The following SLC4A1 variants were observed in gnomAD, a reference collection of about 807,000 sequenced individuals.
The protein encoded by SLC4A1 is band 3 anion transport protein.
A neutral mutation model predicts 93.1 loss-of-function variants in SLC4A1; 29 were observed. The observed-to-expected ratio is 0.31, with a 90% CI of 0.23 to 0.42. SLC4A1 has a LOEUF of 0.42. Among genes scored for constraint, SLC4A1 ranks in the 20% least tolerant of loss-of-function variants. The probability of loss-of-function intolerance (pLI) is 1.00; values close to 1 mark genes in which losing one functional copy is unlikely to be tolerated. For synonymous variants in SLC4A1, 469 were observed against 497.2 expected (o/e 0.94, Z 0.76); for missense variants, 965 against 1,190.1 (o/e 0.81, Z 2.78).
intron 16 of SLC4A1, 26 bp downstream of exon 16, chr17:44,254,470 G>T: frequency 2.9e-6 from 2 of 700,724 alleles, no homozygotes; most frequent in Non-Finnish European, 5.0e-6. Flanking sequence ...CACCCTCCCA[G>T]GCCCAGCCCC....
chr17:44,254,780 C>G, intron 15 of SLC4A1, 118 bp from the exon 16 acceptor site: 1 of 808,624 alleles, frequency 1.2e-6, no homozygotes, highest in South Asian at 1.5e-5. Flanking sequence ...TGGGAACTTA[C>G]TTATATTGAG....
At chr17:44,251,112 C>T (rs1193989805) in intron 19 of SLC4A1, 47 bp downstream of exon 19, 3 of 1,552,396 alleles carry the variant, frequency 1.9e-6, no homozygotes, top group Non-Finnish European at 2.6e-6. Context: ...AGACGCGCCC[C>T]TCGCATGCTC....
chr17:44,261,747 A>G, intron 3 of SLC4A1, 111 bp from the exon 4 acceptor site: 1 of 1,587,008 alleles, frequency 6.3e-7, no homozygotes, highest in Middle Eastern at 1.7e-4. Flanking sequence ...CCTCCTTCCC[A>G]GTGCCCTGGG....
intron 4 of SLC4A1, among the ~76,000 whole-genome samples, 176 bp downstream of exon 4, chr17:44,261,398 GC>G (rs1465824636): frequency 6.6e-6 from 1 of 152,208 alleles, no homozygotes; most frequent in Non-Finnish European, 1.5e-5. Context: ...AGGGGCCCAG[GC>G]CTCCCCATCA....
At position 44,258,162 on chromosome 17, in the gene SLC4A1, T is replaced by C. The variant is rs771954160; in HGVS notation, c.1106A>G (p.Asp369Gly). Reference protein sequence around the residue: ...YKGLDLNGGPDDPLQQTGQLF... With the variant: ...YKGLDLNGGPGDPLQQTGQLF... Reference sequence around the variant, plus strand: ...CTGGCCTGTCTGCTGCAGAGGGTCATCTGGGCCCCCATTTAAGTCTGTGGT... The same window carrying C: ...CTGGCCTGTCTGCTGCAGAGGGTCACCTGGGCCCCCATTTAAGTCTGTGGT... The change falls in exon 11 of 20, where the codon GAT (aspartate) becomes GGT (glycine). Residue 369 changes from aspartate to glycine, a missense_variant. Around this residue, in one of 2 missense-constraint regions of SLC4A1, gnomAD observed 770 missense variants for 1,006.6 expected, o/e 0.76. Coordinates refer to ENST00000262418, the MANE Select transcript of SLC4A1 (RefSeq NM_000342.4). This position sits in a 1 kb window ranked among gnomAD's most constrained non-coding sequence, Gnocchi z 6.1. 5.6e-6 allele frequency: 9 copies of C among 1,613,930 alleles called. No individual in the cohort carries two copies. In the East Asian group the frequency reaches 1.8e-4, roughly 32 times the overall value.
chr17:44,268,095 C>T lies in SLC4A1; in HGVS notation c.-110G>A, dbSNP rs1391361296. The stretch of plus-strand genomic sequence containing the variant: ...GGGTCCCTTGGTGAAGTCCTGCAGC[C>T]GCTGGTGCCCTCTGCGACCAGCTAC... On this transcript the variant is annotated 5_prime_UTR_variant, in exon 1 of 20. Coordinates refer to ENST00000262418, the MANE Select transcript of SLC4A1 (RefSeq NM_000342.4). 9.1e-6 allele frequency: 9 copies of T among 985,354 alleles called. No individual in the cohort carries two copies. The Admixed American group carries it at 1.8e-4, about 20-fold the overall frequency. 61.0% of individuals were successfully genotyped at this position (985,354 alleles called of 1,614,324 possible).
intron 16 of SLC4A1, among the ~76,000 whole-genome samples, chr17:44,253,756 C>G (rs919100571): frequency 1.3e-5 from 2 of 152,088 alleles, no homozygotes; most frequent in Admixed American, 6.6e-5. Context: ...ACTGCAACCT[C>G]TGCCTCCCGG....
rs371728036 is a variant in SLC4A1, at chr17:44,251,339, G to A, written c.2482-7C>T. On this transcript the variant is annotated splice_region_variant and splice_polypyrimidine_tract_variant and intron_variant, in intron 18 of 19. Transcript: ENST00000262418. The stretch of plus-strand genomic sequence containing the variant: ...GCATGCGCCAGGTCTTCACCTGCAG[G>A]CGGAGGCTGGGGTCAGTGCCTATCA... The A allele has an allele frequency of 9.7e-5, 156 of 1,614,224 alleles. No homozygotes were observed. The African/African-American group carries it at 2.0e-3, about 21-fold the overall frequency.
chr17:44,251,735 T>TTG, intron 17 of SLC4A1, 147 bp from the exon 18 acceptor site: 2 of 625,178 alleles, frequency 3.2e-6, no homozygotes, highest in East Asian at 3.1e-5. Flanking sequence ...TTTTTTTTTT[T>TTG]TTTTGTTTTT....
intron 2 of SLC4A1, 59 bp downstream of exon 2, chr17:44,262,793 T>C (rs900129422): frequency 8.1e-6 from 13 of 1,609,340 alleles, no homozygotes; most frequent in Admixed American, 3.3e-5. Flanking sequence ...GATAGGAGTC[T>C]AGGACCAGGT....
Position 44,249,351 on chromosome 17 carries a change from A to G in SLC4A1, c.*1107T>C, listed in dbSNP as rs2047319641. On this transcript the variant is annotated 3_prime_UTR_variant, in exon 20 of 20. Transcript: ENST00000262418. ...CCAAGATTCAGTTTAGATGGAGTTGAGGATAATGGCTCTCAAATGAGGGGC... is the reference window on the plus strand; with the variant it reads ...CCAAGATTCAGTTTAGATGGAGTTGGGGATAATGGCTCTCAAATGAGGGGC... The G allele has an allele frequency of 9.5e-6, 3 of 316,632 alleles. No individual in the cohort carries two copies. The highest frequency in any genetic ancestry group is 1.8e-5 in the Non-Finnish European group (3 of 163,604). 19.6% of individuals were successfully genotyped at this position (316,632 alleles called of 1,614,324 possible). A position where few individuals can be genotyped will look rare whatever the true frequency, so the allele number is the denominator to read the frequency against.
intron 14 of SLC4A1, 147 bp downstream of exon 14, chr17:44,255,526 G>A: frequency 6.6e-6 from 6 of 907,240 alleles, no homozygotes; most frequent in Non-Finnish European, 1.1e-5. Context: ...TGAAACCCTA[G>A]GTAAGGATAG....
Position 44,260,473 on chromosome 17 carries a change from A to T in SLC4A1, c.416T>A (p.Phe139Tyr). Residue 139 changes from phenylalanine (F) to tyrosine (Y), a missense_variant, in exon 6 of 20, where the codon TTT becomes TAT. By Grantham distance (22) the Phe-to-Tyr change is conservative. Coordinates refer to ENST00000262418, the MANE Select transcript of SLC4A1 (RefSeq NM_000342.4). ...AGVANQLLDR[F>Y]IFEDQIRPQD... is the part of the protein sequence containing the mutation. Reference sequence around the variant, plus strand: ...AGGCCGGATCTGGTCTTCAAAGATAAACCTGTCTAGCAGTTGGTTGGCCAC... The same window carrying T: ...AGGCCGGATCTGGTCTTCAAAGATATACCTGTCTAGCAGTTGGTTGGCCAC... 6.2e-7 allele frequency: 1 copy of T among 1,614,090 alleles called. No homozygotes were observed. The highest frequency in any genetic ancestry group is 8.5e-7 in the Non-Finnish European group (1 of 1,179,992).
Position 44,259,298 on chromosome 17 carries a change from C to A in SLC4A1, c.741G>T (p.Leu247=), listed in dbSNP as rs554595865. The A allele has an allele frequency of 1.9e-6, 3 of 1,613,986 alleles. No individual in the cohort carries two copies. Among genetic ancestry groups the A allele is most frequent in the East Asian group, 4.5e-5 (2 of 44,884 alleles). ...CCGCCTCCAGCTCCGCTGCCTCCTG[C>A]AGCCTCACGAAGCCCAGCACCGGCT... ...LEQPVLGFVR[L]QEAAELEAVE... Residue 247 remains leucine, a synonymous_variant, in exon 9 of 20, where the codon CTG becomes CTT. Transcript: ENST00000262418.
intron 1 of SLC4A1, among the ~76,000 whole-genome samples, chr17:44,263,840 G>A (rs2047473051): frequency 6.7e-6 from 1 of 150,260 alleles, no homozygotes; most frequent in Non-Finnish European, 1.5e-5. Context: ...CATGATCATA[G>A]TTCACTGCAG....
rs1448749736 is a variant in SLC4A1, at chr17:44,249,222, T to C, written c.*1236A>G. 2.2e-6 allele frequency: 1 copy of C among 449,138 alleles called. No individual in the cohort carries two copies. Among genetic ancestry groups the C allele is most frequent in the African/African-American group, 2.0e-5 (1 of 49,478 alleles). 27.8% of individuals were successfully genotyped at this position (449,138 alleles called of 1,614,324 possible). On this transcript the variant is annotated 3_prime_UTR_variant, in exon 20 of 20. Transcript: ENST00000262418. ...TCCTCCATCTCTCACCACTTTCACG[T>C]CTTTCAACTCTTTTTATCTTTTTGT...
intron 12 of SLC4A1, 41 bp downstream of exon 12, chr17:44,257,618 C>A: frequency 6.2e-7 from 1 of 1,613,076 alleles, no homozygotes; most frequent in Non-Finnish European, 8.5e-7. Flanking sequence ...GCAGGTGGTG[C>A]GGGGGACATG....
At chr17:44,260,986 T>C (rs1339854740) in intron 4 of SLC4A1, among the ~76,000 whole-genome samples, 171 bp from the exon 5 acceptor site, 2 of 152,136 alleles carry the variant, frequency 1.3e-5, no homozygotes, top group Admixed American at 1.3e-4. Flanking sequence ...GCCAGGCCTT[T>C]ACCCCATTGC....
Position 44,251,422 on chromosome 17 carries a change from C to T in SLC4A1, c.2478G>A (p.Lys826=). The change falls in exon 18 of 20, where the codon AAG becomes AAA. Residue 826 remains lysine (K), a synonymous_variant. Transcript: ENST00000262418. ...PKYHPDVPYV[K]RVKTWRMHLF... ...CAGCCAGAAAAGGGTCCTGTACCCGCTTGACGTAGGGCACATCTGGGTGAT... is the reference window on the plus strand; with the variant it reads ...CAGCCAGAAAAGGGTCCTGTACCCGTTTGACGTAGGGCACATCTGGGTGAT... 1 of 1,614,246 alleles carries T rather than the reference C, an allele frequency of 6.2e-7. No homozygotes were observed. Among genetic ancestry groups the T allele is most frequent in the South Asian group, 1.1e-5 (1 of 91,090 alleles).
Sources: gnomAD v4.1 joint callset for allele counts (sites outside exome capture counted in the v4.1 genomes callset) on GRCh38, gnomAD v4.1.1 for gene constraint, gnomAD v4.1.1 regional missense constraint, Gnocchi (gnomAD v3.1) non-coding constraint, MANE v1.5 for transcripts, NCBI Gene and HGNC (gene_info 2026-07-23, HGNC 2026-07-21) for gene names.